The following LEPROTL1 variants were observed in gnomAD, a reference collection of about 807,000 sequenced individuals.
The protein encoded by LEPROTL1 is leptin receptor overlapping transcript-like 1.
Under a neutral mutation model 15.4 loss-of-function variants are expected in LEPROTL1, and 6 were observed. That is an observed-to-expected ratio of 0.39 (90% CI 0.21 to 0.77). The LOEUF (loss-of-function observed/expected upper bound fraction) is 0.77, where lower values mean the gene tolerates loss of function less well. LEPROTL1 is among the 30% of genes least tolerant of loss of function. The pLI is 0.41. For missense variants in LEPROTL1, 128 were observed against 158.1 expected (o/e 0.81, Z 1.02); for synonymous variants, 56 against 52.6 (o/e 1.06, Z -0.28).
At chr8:30,109,471 A>G (rs1049715242), downstream of LEPROTL1, among the ~76,000 whole-genome samples, 2 of 152,230 alleles carry the variant, frequency 1.3e-5, no homozygotes, top group Non-Finnish European at 1.5e-5. Context: ...AAAGTATTAA[A>G]TGGATTGTAC....
chr8:30,116,756 A>G (rs1214564693), intron 3 of LEPROTL1, among the ~76,000 whole-genome samples: 1 of 152,194 alleles, frequency 6.6e-6, no homozygotes, highest in East Asian at 1.9e-4. Flanking sequence ...TCTATAAGCT[A>G]CTGTAGCAAA....
chr8:30,132,284 T>G, intron 3 of LEPROTL1: 2 of 1,551,780 alleles, frequency 1.3e-6, no homozygotes, highest in Non-Finnish European at 1.7e-6. Flanking sequence ...GGCCAAGCCC[T>G]GCTGTGCTGG....
chr8:30,107,213 A>G lies in LEPROTL1; in HGVS notation c.*1351A>G. On this transcript the variant is annotated 3_prime_UTR_variant, in exon 4 of 4. Coordinates refer to ENST00000321250, the MANE Select transcript of LEPROTL1 (RefSeq NM_015344.3). ...GAGTTAATGCAAAGTAGCCAAGTCC[A>G]GCTATATAGCAGCTTCAGAAACATA... 1.0e-6 allele frequency: 1 copy of G among 985,482 alleles called. No homozygotes were observed. The highest frequency in any genetic ancestry group is 1.2e-6 in the Non-Finnish European group (1 of 829,940). 61.0% of individuals were successfully genotyped at this position (985,482 alleles called of 1,614,324 possible).
chr8:30,136,586 C>A (rs992651943), intron 4 of LEPROTL1, among the ~76,000 whole-genome samples: 1 of 152,212 alleles, frequency 6.6e-6, no homozygotes, highest in African/African-American at 2.4e-5. Context: ...GCTCTCCCAG[C>A]CCCATCAGGC....
downstream of LEPROTL1, among the ~76,000 whole-genome samples, chr8:30,109,157 A>G (rs1443619577): frequency 6.6e-6 from 1 of 152,226 alleles, no homozygotes; most frequent in African/African-American, 2.4e-5. Context: ...AGTTTCAGAT[A>G]ACTTTTAATC....
At chr8:30,126,397 C>T (rs1004612796) in intron 3 of LEPROTL1, among the ~76,000 whole-genome samples, 46 of 152,140 alleles carry the variant, frequency 3.0e-4, no homozygotes, top group Non-Finnish European at 6.3e-4. Context: ...CACTGCTGCA[C>T]GGGGGATTAA....
chr8:30,095,921 C>G, intron 1 of LEPROTL1: 1 of 694,886 alleles, frequency 1.4e-6, no homozygotes, highest in Admixed American at 2.0e-5. Flanking sequence ...AAGGCTGAGG[C>G]TGCTAGAGAT....
intron 3 of LEPROTL1, among the ~76,000 whole-genome samples, chr8:30,126,707 T>A (rs1180438668): frequency 1.3e-5 from 2 of 152,198 alleles, no homozygotes; most frequent in Non-Finnish European, 2.9e-5. Flanking sequence ...CCAGCCCAGC[T>A]TAGTAGCTGC....
rs200526340 is a variant in LEPROTL1 at position 30,105,906 on chromosome 8, G to C, written c.*44G>C. ...TTGTCAAATGGACTTCCTGTCATTT[G>C]TTGGCCATTCACGCACACAGGAGAT... is the stretch of plus-strand genomic sequence containing the variant. On this transcript the variant is annotated 3_prime_UTR_variant, in exon 4 of 4. Transcript: ENST00000321250. 8.1e-5 allele frequency: 118 copies of C among 1,449,098 alleles called. No individual in the cohort carries two copies. The highest frequency in any genetic ancestry group is 9.7e-5 in the Non-Finnish European group (106 of 1,094,148). 89.8% of individuals were successfully genotyped at this position (1,449,098 alleles called of 1,614,324 possible). A position where few individuals can be genotyped will look rare whatever the true frequency, so the allele number is the denominator to read the frequency against.
intron 3 of LEPROTL1, among the ~76,000 whole-genome samples, chr8:30,128,928 A>G (rs1253373730): frequency 6.7e-6 from 1 of 149,832 alleles, no homozygotes; most frequent in Admixed American, 6.7e-5. Context: ...GTCTGAAACT[A>G]TTTTTTGAGA....
chr8:30,118,019 G>GTTTTTTT (rs34271690), intron 3 of LEPROTL1, among the ~76,000 whole-genome samples: 4 of 26,786 alleles, frequency 1.5e-4, no homozygotes, highest in African/African-American at 4.8e-4. Context: ...TTTTTGATTT[G>GTTTTTTT]TTTTTTTTTT....
intron 3 of LEPROTL1, among the ~76,000 whole-genome samples, chr8:30,123,969 G>C (rs1802871256): frequency 6.6e-6 from 1 of 151,652 alleles, no homozygotes. Context: ...AAGGCTCAAA[G>C]GGAGGAATAG....
chr8:30,123,504 T>C (rs6468131), intron 3 of LEPROTL1, among the ~76,000 whole-genome samples: 113,704 of 152,138 alleles, frequency 0.75, 44,440 homozygotes, highest in Non-Finnish European at 0.86. Context: ...TGTTTCATAG[T>C]TTTCCAAGTA....
intron 3 of LEPROTL1, chr8:30,117,523 C>A: frequency 7.5e-7 from 1 of 1,337,462 alleles, no homozygotes. Flanking sequence ...TTTTCCAGAT[C>A]TTTGAGTTGC....
chr8:30,130,882 C>T (rs560923731), intron 3 of LEPROTL1, among the ~76,000 whole-genome samples: 7 of 149,948 alleles, frequency 4.7e-5, no homozygotes, highest in South Asian at 2.1e-4. Flanking sequence ...TGGATTCAAG[C>T]GATTCTCCTG....
chr8:30,132,465 GT>G lies in LEPROTL1; in HGVS notation c.371del (p.Val124AlafsTer7), dbSNP rs1563220564. 6.4e-7 allele frequency: 1 copy of G among 1,551,722 alleles called. No individual in the cohort carries two copies. The highest frequency in any genetic ancestry group is 1.2e-5 in the South Asian group (1 of 84,064). ...AGCCCGCTGCGTGGAGGAGGGAGTCGTCCAGGATCCAGTGGGAGTAGTAGGT... is the reference window on the plus strand; with the variant it reads ...AGCCCGCTGCGTGGAGGAGGGAGTCGCCAGGATCCAGTGGGAGTAGTAGGT... On this transcript the variant is annotated frameshift_variant, in exon 4 of 5. Transcript: ENST00000442880. LOFTEE classifies it low-confidence loss of function (END_TRUNC).
rs192763255 is a variant in LEPROTL1, at chr8:30,124,594, G to T, written c.280-7781G>T. Among the ~76,000 whole-genome samples, 551 of 152,226 alleles carry T rather than the reference G, an allele frequency of 3.6e-3. 7 individuals carry two copies. The highest frequency in any genetic ancestry group is 4.1e-3 in the Non-Finnish European group (280 of 68,004). On this transcript the variant is annotated intron_variant, in intron 3 of 4. Transcript: ENST00000442880. Reference sequence around the variant, plus strand: ...AATAAAGCTTTACTATCCAATTAGTGTTTAAATTTCCCTATAATATTCTTT... The same window carrying T: ...AATAAAGCTTTACTATCCAATTAGTTTTTAAATTTCCCTATAATATTCTTT...
rs373265149 is a variant in LEPROTL1, at chr8:30,101,914, C to T, written c.33C>T (p.Ser11=). ...GCTTTGCAGCTTTGATTAGTTTGTC[C>T]TTTGGAGGAGCAATCGGACTGATGT... MAGIKALISL[S]FGGAIGLMFL... Residue 11 remains serine (S), a synonymous_variant, in exon 2 of 4, where the codon TCC becomes TCT. Transcript: ENST00000321250. 2 of 1,606,678 alleles carry T rather than the reference C, an allele frequency of 1.2e-6. No homozygotes were observed. The highest frequency in any genetic ancestry group is 1.7e-6 in the Non-Finnish European group (2 of 1,175,458).
intron 4 of LEPROTL1, chr8:30,132,932 T>C: frequency 6.7e-7 from 1 of 1,483,246 alleles, no homozygotes; most frequent in Non-Finnish European, 8.9e-7. Context: ...TTAAAGAACA[T>C]AAAAACACTC....
Sources: allele counts gnomAD v4.1 joint callset (sites outside exome capture counted in the v4.1 genomes callset), GRCh38; gene constraint gnomAD v4.1.1; transcripts MANE v1.5; gene names NCBI Gene and HGNC (gene_info 2026-07-23, HGNC 2026-07-21).